ATP8B1: variants seen among roughly 807,000 people sequenced by gnomAD.
ATP8B1 encodes the protein phospholipid-transporting ATPase IC.
A neutral mutation model predicts 149.9 loss-of-function variants in ATP8B1; 80 were observed. The observed-to-expected ratio is 0.53, with a 90% confidence interval of 0.45 to 0.64. The LOEUF is 0.64. ATP8B1 is among the 30% of genes least tolerant of loss of function. The probability of loss-of-function intolerance (pLI) is 0.00; values close to 1 mark genes in which losing one functional copy is unlikely to be tolerated. For missense variants in ATP8B1, 1,247 were observed against 1,552.6 expected (o/e 0.80, Z 3.31); for synonymous variants, 536 against 562.8 (o/e 0.95, Z 0.67).
chr18:57,777,495 A>C (rs528852932), intron 1 of ATP8B1, among the ~76,000 whole-genome samples: 1 of 152,362 alleles, frequency 6.6e-6, no homozygotes, highest in African/African-American at 2.4e-5. Context: ...TAAACTGGTG[A>C]TGGCCCGTGC....
intron 1 of ATP8B1, among the ~76,000 whole-genome samples, chr18:57,764,442 CGAGTCT>C (rs1259386009): frequency 7.9e-6 from 1 of 125,918 alleles, no homozygotes; most frequent in Admixed American, 8.9e-5. Context: ...TCTTTCATAC[CGAGTCT>C]TGCTCTGTAG....
chr18:57,787,494 TCCATCTAGAACAATGC>T (rs2080421309), intron 1 of ATP8B1, among the ~76,000 whole-genome samples: 1 of 151,742 alleles, frequency 6.6e-6, no homozygotes, highest in Admixed American at 6.6e-5. Flanking sequence ...CGGGAGGAGC[TCCATCTAGAACAATGC>T]GGGTGGAGCT....
intron 2 of ATP8B1, among the ~76,000 whole-genome samples, chr18:57,729,233 G>A (rs319425): frequency 0.98 from 149,668 of 152,192 alleles, 73,642 homozygotes; most frequent in East Asian, 1. Context: ...CGGACTACAC[G>A]TCTGATGGCG....
chr18:57,796,675 CTGT>C (rs1161136257), intron 1 of ATP8B1, among the ~76,000 whole-genome samples: 2 of 151,552 alleles, frequency 1.3e-5, no homozygotes, highest in Non-Finnish European at 2.9e-5. Context: ...GTTACCTATG[CTGT>C]TGTTTGTTTG....
chr18:57,719,481 G>C (rs543603566), intron 2 of ATP8B1, among the ~76,000 whole-genome samples: 6 of 152,326 alleles, frequency 3.9e-5, no homozygotes, highest in African/African-American at 1.4e-4. Context: ...CCCTTTCCGA[G>C]TCAAAGAAAG....
At chr18:57,693,389 C>G (rs1219140992) in intron 11 of ATP8B1, among the ~76,000 whole-genome samples, 1 of 152,054 alleles carries the variant, frequency 6.6e-6, no homozygotes. Context: ...GGAGGATTTC[C>G]CAGTTATTTT....
rs1354949790 is a variant in ATP8B1, at chr18:57,652,737, A to G, written c.3016-8T>C. ...CAGTTTGTCACTCACATCCTTAAGG[A>G]GAAAACAAAATGATGGTATTTTATT... On this transcript the variant is annotated splice_region_variant and splice_polypyrimidine_tract_variant and intron_variant, in intron 24 of 27. Transcript: ENST00000648908. 1.2e-6 allele frequency: 2 copies of G among 1,614,140 alleles called. No homozygotes were observed. The highest frequency in any genetic ancestry group is 1.7e-6 in the Non-Finnish European group (2 of 1,179,970).
chr18:57,764,206 C>T (rs1161512232), intron 1 of ATP8B1, among the ~76,000 whole-genome samples: 3 of 152,220 alleles, frequency 2.0e-5, no homozygotes, highest in Non-Finnish European at 1.5e-5. Flanking sequence ...CTTTGGTCAC[C>T]TCCGCCATGA....
chr18:57,692,554 G>A (rs1737351160), intron 11 of ATP8B1, among the ~76,000 whole-genome samples: 1 of 145,530 alleles, frequency 6.9e-6, no homozygotes, highest in South Asian at 2.2e-4. Flanking sequence ...TTATGCTTCA[G>A]CCTCCTGAGT....
chr18:57,671,698 C>T (rs899669526), intron 16 of ATP8B1, 118 bp from the exon 17 acceptor site: 3 of 727,372 alleles, frequency 4.1e-6, no homozygotes, highest in Non-Finnish European at 7.2e-6. Context: ...TATCGGCTCA[C>T]TGTAGCCTCG....
intron 1 of ATP8B1, among the ~76,000 whole-genome samples, chr18:57,777,902 C>T (rs367867084): frequency 1.3e-5 from 2 of 152,176 alleles, no homozygotes; most frequent in East Asian, 1.9e-4. Flanking sequence ...TTGTACCTTT[C>T]GAAGGTTGTA....
At chr18:57,742,332 G>C (rs2079922810) in intron 1 of ATP8B1, among the ~76,000 whole-genome samples, 1 of 152,156 alleles carries the variant, frequency 6.6e-6, no homozygotes, top group African/African-American at 2.4e-5. Flanking sequence ...AGCAGGAACA[G>C]GATTACATTT....
chr18:57,662,705 CA>C lies in ATP8B1; in HGVS notation c.2286-91del, dbSNP rs34396065. 0.037 allele frequency: 52,324 copies of C among 1,425,354 alleles called. 1,844 individuals are homozygous for C. The highest frequency in any genetic ancestry group is 0.18 in the East Asian group (8,022 of 43,670). 88.3% of individuals were successfully genotyped at this position (1,425,354 alleles called of 1,614,324 possible). ...AACTTTGACTTAAAAAAAATTGTGA[CA>C]AAAAAACAAAGTTTACCATCTTACC... On this transcript the variant is annotated intron_variant, in intron 20 of 27. Coordinates refer to ENST00000648908, the MANE Select transcript of ATP8B1 (RefSeq NM_001374385.1).
chr18:57,676,420 AG>A (rs1911592567), intron 15 of ATP8B1, among the ~76,000 whole-genome samples: 2 of 151,566 alleles, frequency 1.3e-5, no homozygotes, highest in Admixed American at 1.3e-4. Context: ...AAAAAAAAAA[AG>A]AAAAAAAAAC....
At chr18:57,732,981 A>C (rs1170954539) in intron 1 of ATP8B1, among the ~76,000 whole-genome samples, 1 of 152,126 alleles carries the variant, frequency 6.6e-6, no homozygotes, top group Non-Finnish European at 1.5e-5. Flanking sequence ...ATAACCTTAG[A>C]TCTTCCAAGT....
chr18:57,693,473 C>T (rs1488732782), intron 11 of ATP8B1, among the ~76,000 whole-genome samples: 9 of 152,018 alleles, frequency 5.9e-5, no homozygotes, highest in African/African-American at 1.9e-4. Flanking sequence ...TTTGGGAGGC[C>T]GAGGCAGGCA....
intron 1 of ATP8B1, among the ~76,000 whole-genome samples, chr18:57,732,195 ATG>A (rs1265257625): frequency 9.9e-5 from 10 of 101,312 alleles, no homozygotes; most frequent in South Asian, 3.2e-4. Context: ...ATATGTATAT[ATG>A]TGTATATATG....
chr18:57,732,173 ATATATGTG>A (rs2079779565), intron 1 of ATP8B1: 10 of 42,640 alleles, frequency 2.3e-4, no homozygotes, highest in African/African-American at 7.4e-4. Flanking sequence ...GTATATATGT[ATATATGTG>A]TATATATGTA....
At chr18:57,785,672 AT>A (rs1401852609) in intron 1 of ATP8B1, among the ~76,000 whole-genome samples, 2 of 151,908 alleles carry the variant, frequency 1.3e-5, no homozygotes, top group African/African-American at 2.4e-5. Flanking sequence ...TGCCCAGCTA[AT>A]TTTTGTATTT....
Sources: allele counts gnomAD v4.1 joint callset (sites outside exome capture counted in the v4.1 genomes callset), GRCh38; gene constraint gnomAD v4.1.1; transcripts MANE v1.5; gene names NCBI Gene and HGNC (gene_info 2026-07-23, HGNC 2026-07-21).